MAN2A2: variants seen among roughly 807,000 people sequenced by gnomAD.
MAN2A2 encodes the protein alpha-mannosidase 2x.
Under a neutral mutation model 126.8 loss-of-function variants are expected in MAN2A2, and 79 were observed. The ratio of observed to expected loss-of-function variants is 0.62; its 90% CI spans 0.52 to 0.75. MAN2A2 has a LOEUF of 0.75. MAN2A2 is among the 30% of genes least tolerant of loss of function. The pLI is 0.00. For synonymous variants in MAN2A2, 671 were observed against 618.7 expected (o/e 1.08, Z -1.25); for missense variants, 1,392 against 1,522.4 (o/e 0.91, Z 1.43).
chr15:90,918,714 G>C lies in MAN2A2; in HGVS notation c.3259G>C (p.Ala1087Pro), dbSNP rs2035377377. ...CAAGGGTTTTGACTGCGGCCTGGAG[G>C]CCAAGAACTTGGGCTTCAACTGCAC... Reference protein sequence around the residue: ...HRKGFDCGLEAKNLGFNCTTS... With the variant: ...HRKGFDCGLEPKNLGFNCTTS... Residue 1087 changes from alanine to proline, a missense_variant, in exon 22 of 23, where the codon GCC (alanine) becomes CCC (proline). Coordinates refer to ENST00000559717, the MANE Select transcript of MAN2A2 (RefSeq NM_006122.4). 3 of 1,521,644 alleles carry C rather than the reference G, an allele frequency of 2.0e-6. No homozygotes were observed. The highest frequency in any genetic ancestry group is 2.7e-6 in the Non-Finnish European group (3 of 1,096,392). 94.3% of individuals were successfully genotyped at this position (1,521,644 alleles called of 1,614,324 possible). A position where few individuals can be genotyped will look rare whatever the true frequency, so the allele number is the denominator to read the frequency against.
intron 22 of MAN2A2, among the ~76,000 whole-genome samples, chr15:90,919,283 G>A (rs975399213): frequency 2.0e-5 from 3 of 152,212 alleles, no homozygotes; most frequent in Admixed American, 6.5e-5. Context: ...GGGCCAGCCG[G>A]AACTGGAGTG....
intron 14 of MAN2A2, 98 bp downstream of exon 14, chr15:90,911,648 T>G: frequency 7.5e-7 from 1 of 1,337,426 alleles, no homozygotes; most frequent in Non-Finnish European, 1.0e-6. Context: ...CTTGTGGCCC[T>G]GCTACTCTCC....
chr15:90,906,041 G>A (rs745626519), intron 5 of MAN2A2, 25 bp downstream of exon 5: 10 of 1,612,760 alleles, frequency 6.2e-6, no homozygotes, highest in Non-Finnish European at 7.6e-6. Flanking sequence ...GGGAGGCATG[G>A]GAGGGCATTG....
intron 8 of MAN2A2, among the ~76,000 whole-genome samples, chr15:90,908,510 C>T (rs2034470386): frequency 6.6e-6 from 1 of 152,050 alleles, no homozygotes; most frequent in South Asian, 2.1e-4. Flanking sequence ...ATATAGTTCC[C>T]ATTATGTACC....
intron 5 of MAN2A2, 116 bp from the exon 6 acceptor site, chr15:90,906,254 C>G: frequency 1.4e-6 from 2 of 1,425,934 alleles, no homozygotes; most frequent in Non-Finnish European, 1.9e-6. Flanking sequence ...TCTCTTGGTC[C>G]TGGGATTGGG....
intron 9 of MAN2A2, among the ~76,000 whole-genome samples, 164 bp from the exon 10 acceptor site, chr15:90,909,926 A>G (rs746399493): frequency 1.3e-5 from 2 of 152,148 alleles, no homozygotes; most frequent in African/African-American, 2.4e-5. Context: ...TTATGTCAGA[A>G]TTAATTCCCA....
chr15:90,916,262 A>G lies in MAN2A2; in HGVS notation c.2994+6A>G, dbSNP rs2035170635. Reference sequence around the variant, plus strand: ...GGCGAACCGTGGGCAGTGAGGTAACATCTGGGGCTGACGCCCAGGGAGCCA... The same window carrying G: ...GGCGAACCGTGGGCAGTGAGGTAACGTCTGGGGCTGACGCCCAGGGAGCCA... On this transcript the variant is annotated splice_donor_region_variant and intron_variant, in intron 20 of 22. Transcript: ENST00000559717. 1 of 1,612,798 alleles carries G rather than the reference A, an allele frequency of 6.2e-7. No homozygotes were observed. The highest frequency in any genetic ancestry group is 8.5e-7 in the Non-Finnish European group (1 of 1,179,180).
Position 90,912,709 on chromosome 15 carries a change from G to A in MAN2A2, c.2469+45G>A, listed in dbSNP as rs1596164225. On this transcript the variant is annotated intron_variant, in intron 16 of 22. Coordinates refer to ENST00000559717, the MANE Select transcript of MAN2A2 (RefSeq NM_006122.4). ...AACAACCTGGCAGGGAGGGCAGGAG[G>A]GGGCACAGGCCTTCCCACAGGTTTA... 3 of 1,611,928 alleles carry A rather than the reference G, an allele frequency of 1.9e-6. No homozygotes were observed. In the South Asian group the frequency reaches 3.3e-5, roughly 18 times the overall value.
chr15:90,915,680 G>A (rs2035113225), intron 19 of MAN2A2, among the ~76,000 whole-genome samples: 1 of 152,156 alleles, frequency 6.6e-6, no homozygotes, highest in Non-Finnish European at 1.5e-5. Context: ...AGGAGAGCCT[G>A]TGTTTTAGTC....
rs2035530692 is a variant in MAN2A2, at chr15:90,921,246, A to G, written c.*1459A>G. The G allele has an allele frequency of 6.6e-6, 1 of 152,260 alleles. No homozygotes were observed. The highest frequency in any genetic ancestry group is 1.5e-5 in the Non-Finnish European group (1 of 68,052). The allele number at this position is 152,260 out of a possible 1,614,324, so 9.4% of individuals were successfully genotyped here. The stretch of plus-strand genomic sequence containing the variant: ...GTATTCTGTAAGTCAACCCAATGAT[A>G]CACATCATGTTCCTGTCCACATACT... On this transcript the variant is annotated 3_prime_UTR_variant, in exon 23 of 23. Transcript: ENST00000559717.
chr15:90,918,475 G>C, intron 21 of MAN2A2, 87 bp downstream of exon 21: 3 of 1,457,014 alleles, frequency 2.1e-6, no homozygotes, highest in Non-Finnish European at 2.8e-6. Flanking sequence ...TCCAGGATGA[G>C]GTCCAGACCC....
intron 2 of MAN2A2, among the ~76,000 whole-genome samples, chr15:90,904,778 C>T (rs1050570083): frequency 4.6e-5 from 7 of 152,052 alleles, no homozygotes; most frequent in African/African-American, 9.7e-5. Context: ...TTAGTAGAGA[C>T]GAGACGAGGT....
chr15:90,910,807 T>C (rs370655516), intron 11 of MAN2A2, 40 bp from the exon 12 acceptor site: 35 of 1,603,510 alleles, frequency 2.2e-5, no homozygotes, highest in Non-Finnish European at 2.8e-5. Context: ...AGCTTCCCTA[T>C]GGTCATCTTC....
chr15:90,905,903 C>T lies in MAN2A2; in HGVS notation c.594C>T (p.Ser198=), dbSNP rs2034242327. Residue 198 remains serine (S), a synonymous_variant, in exon 5 of 23, where the codon AGC becomes AGT. Coordinates refer to ENST00000559717, the MANE Select transcript of MAN2A2 (RefSeq NM_006122.4). ...YTEQTQHILN[S]MVSKLQEDPR... is the part of the protein sequence containing the mutation. ...AGCAGACCCAACACATCCTCAATAG[C>T]ATGGTGTCTAAGCTGCAGGAGGACC... 1.9e-6 allele frequency: 3 copies of T among 1,604,856 alleles called. No individual in the cohort carries two copies. The highest frequency in any genetic ancestry group is 2.6e-6 in the Non-Finnish European group (3 of 1,175,902).
intron 22 of MAN2A2, 94 bp from the exon 23 acceptor site, chr15:90,919,541 G>C (rs921311952): frequency 6.8e-7 from 1 of 1,476,268 alleles, no homozygotes; most frequent in Non-Finnish European, 9.3e-7. Context: ...CCCTGGCTGA[G>C]ATTCTTAAAG....
intron 8 of MAN2A2, among the ~76,000 whole-genome samples, chr15:90,908,515 T>G (rs1272136109): frequency 6.6e-6 from 1 of 152,228 alleles, no homozygotes. Context: ...GTTCCCATTA[T>G]GTACCAGGCA....
chr15:90,911,003 G>T (rs1444096445), intron 12 of MAN2A2, 42 bp downstream of exon 12: 1 of 1,562,314 alleles, frequency 6.4e-7, no homozygotes, highest in African/African-American at 1.4e-5. Context: ...TCTGGTGTGT[G>T]CAGGTCCCAT....
intron 1 of MAN2A2, 141 bp from the exon 2 acceptor site, chr15:90,904,049 G>C (rs1046458257): frequency 3.4e-6 from 3 of 891,902 alleles, no homozygotes; most frequent in African/African-American, 3.2e-5. Context: ...GCCAGCCTCA[G>C]ATGTGCTGCT....
At chr15:90,911,947 A>G (rs1335627526) in intron 14 of MAN2A2, 96 bp from the exon 15 acceptor site, 2 of 987,898 alleles carry the variant, frequency 2.0e-6, no homozygotes, top group African/African-American at 3.2e-5. Flanking sequence ...CAGCGGGTGC[A>G]GGGGCTTGCT....
Sources: allele counts gnomAD v4.1 joint callset (sites outside exome capture counted in the v4.1 genomes callset), GRCh38; gene constraint gnomAD v4.1.1; transcripts MANE v1.5; gene names NCBI Gene and HGNC (gene_info 2026-07-23, HGNC 2026-07-21).